NDUFS4: variants seen among roughly 807,000 people sequenced by gnomAD.
NDUFS4 encodes the protein NADH:ubiquinone oxidoreductase subunit S4, also known as NADH dehydrogenase [ubiquinone] iron-sulfur protein 4, mitochondrial.
NDUFS4 carries 28 observed loss-of-function variants against 24.3 expected under a neutral mutation model. The observed-to-expected ratio is 1.15, with a 90% CI of 0.85 to 1.58. The LOEUF (loss-of-function observed/expected upper bound fraction) is 1.58, where lower values mean the gene tolerates loss of function less well. Ranked by LOEUF, NDUFS4 falls within the 40% of genes most tolerant of loss-of-function variation. The probability of loss-of-function intolerance (pLI) is 0.00; values close to 1 mark genes in which losing one functional copy is unlikely to be tolerated. For synonymous variants in NDUFS4, 93 were observed against 69.7 expected (o/e 1.34, Z -1.67); for missense variants, 223 against 207.9 (o/e 1.07, Z -0.45).
chr5:53,601,065 C>T (rs1178757377), intron 1 of NDUFS4, among the ~76,000 whole-genome samples: 1 of 145,566 alleles, frequency 6.9e-6, no homozygotes, highest in Non-Finnish European at 1.5e-5. Flanking sequence ...AGTGCAGTGG[C>T]GCGATCTCAG....
chr5:53,656,968 C>G (rs924339584), intron 3 of NDUFS4, among the ~76,000 whole-genome samples: 1 of 152,124 alleles, frequency 6.6e-6, no homozygotes, highest in African/African-American at 2.4e-5. Context: ...ATAGTGGCTT[C>G]TTCCAGTGGA....
rs1740437564 is a variant in NDUFS4, at chr5:53,675,493, T to G, written c.425-7625T>G. Among the ~76,000 whole-genome samples the G allele has an allele frequency of 2.0e-5, 3 of 152,140 alleles. No individual in the cohort carries two copies. In the South Asian group the frequency reaches 6.2e-4, roughly 32 times the overall value. ...TCCCTAAAAAGACTTTATAATCTAA[T>G]CAGTGCCACCTGAAGGTAGAAAAGC... On this transcript the variant is annotated intron_variant, in intron 4 of 4. Transcript: ENST00000296684.
intron 2 of NDUFS4, among the ~76,000 whole-genome samples, chr5:53,626,321 G>GTT (rs1239182075): frequency 6.6e-6 from 1 of 152,022 alleles, no homozygotes; most frequent in Non-Finnish European, 1.5e-5. Context: ...AGTCTTTGCT[G>GTT]TCGTGAACAC....
intron 4 of NDUFS4, among the ~76,000 whole-genome samples, chr5:53,663,558 A>G (rs1030065311): frequency 1.3e-5 from 2 of 152,132 alleles, no homozygotes; most frequent in South Asian, 4.1e-4. Flanking sequence ...AGCTCTTCTC[A>G]GTGAATTGAT....
intron 2 of NDUFS4, chr5:53,604,716 C>T (rs1289182236): frequency 2.2e-6 from 1 of 455,612 alleles, no homozygotes; most frequent in Non-Finnish European, 4.4e-6. Context: ...TCCTGCCTTC[C>T]TCTCTAGGTT....
chr5:53,652,806 A>T (rs1013942523), intron 3 of NDUFS4, among the ~76,000 whole-genome samples: 1 of 152,128 alleles, frequency 6.6e-6, no homozygotes, highest in Admixed American at 6.6e-5. Context: ...TAAGGTGCAA[A>T]ATTATCCTTT....
At chr5:53,624,362 A>G (rs1168835540) in intron 2 of NDUFS4, among the ~76,000 whole-genome samples, 2 of 152,104 alleles carry the variant, frequency 1.3e-5, no homozygotes, top group Admixed American at 6.6e-5. Flanking sequence ...GGATTTTTCT[A>G]TTTCTACCCC....
intron 4 of NDUFS4, among the ~76,000 whole-genome samples, chr5:53,679,948 G>A (rs1272444444): frequency 6.6e-6 from 1 of 152,076 alleles, no homozygotes; most frequent in East Asian, 1.9e-4. Flanking sequence ...GAGAGCACAT[G>A]GGGAACATAT....
intron 4 of NDUFS4, among the ~76,000 whole-genome samples, chr5:53,679,798 A>G (rs1024310443): frequency 1.8e-4 from 27 of 152,068 alleles, no homozygotes; most frequent in African/African-American, 6.3e-4. Flanking sequence ...TTGGGAGGTA[A>G]TAAGAGGAGA....
chr5:53,633,656 C>A (rs182871681), intron 2 of NDUFS4, among the ~76,000 whole-genome samples: 25 of 152,262 alleles, frequency 1.6e-4, no homozygotes, highest in Admixed American at 1.6e-3. Flanking sequence ...AATTTGTATG[C>A]TTTTCTCTTG....
intron 1 of NDUFS4, among the ~76,000 whole-genome samples, chr5:53,590,915 C>A (rs974675619): frequency 5.3e-5 from 8 of 152,242 alleles, no homozygotes; most frequent in Non-Finnish European, 5.9e-5. Flanking sequence ...AAGTCTGTAC[C>A]CATTACACAG....
chr5:53,645,747 A>G (rs745613893), intron 2 of NDUFS4, among the ~76,000 whole-genome samples: 10 of 152,202 alleles, frequency 6.6e-5, no homozygotes, highest in South Asian at 2.1e-4. Flanking sequence ...TCTCAAGGTA[A>G]TGCCTTGTGG....
chr5:53,633,604 C>G (rs1176049477), intron 2 of NDUFS4, among the ~76,000 whole-genome samples: 2 of 152,154 alleles, frequency 1.3e-5, no homozygotes, highest in Admixed American at 6.5e-5. Context: ...GTCTTCATTT[C>G]CGTATGAAGG....
At chr5:53,676,497 T>C (rs968258859) in intron 4 of NDUFS4, among the ~76,000 whole-genome samples, 1 of 152,272 alleles carries the variant, frequency 6.6e-6, no homozygotes, top group Non-Finnish European at 1.5e-5. Flanking sequence ...GCACTATAAC[T>C]CATGCCTAAA....
At chr5:53,658,203 T>G (rs1752219347) in intron 3 of NDUFS4, among the ~76,000 whole-genome samples, 2 of 152,180 alleles carry the variant, frequency 1.3e-5, no homozygotes, top group African/African-American at 4.8e-5. Context: ...ACTAGCAATT[T>G]TACACATCAG....
chr5:53,596,355 C>T (rs1273873437), intron 1 of NDUFS4, among the ~76,000 whole-genome samples: 1 of 152,068 alleles, frequency 6.6e-6, no homozygotes, highest in Non-Finnish European at 1.5e-5. Flanking sequence ...ATCGCTTGAG[C>T]CAAGGAGGTC....
intron 3 of NDUFS4, among the ~76,000 whole-genome samples, chr5:53,647,724 G>A (rs951253415): frequency 2.0e-5 from 3 of 152,072 alleles, no homozygotes; most frequent in African/African-American, 2.4e-5. Context: ...CATTATGTCC[G>A]GTCTCCAGTT....
chr5:53,605,714 GT>G (rs1437714440), intron 2 of NDUFS4, among the ~76,000 whole-genome samples: 3 of 152,044 alleles, frequency 2.0e-5, no homozygotes, highest in Admixed American at 6.6e-5. Context: ...TTCTCATATT[GT>G]TATAAAGAAA....
intron 2 of NDUFS4, among the ~76,000 whole-genome samples, chr5:53,614,383 A>G (rs1457903655): frequency 6.6e-6 from 1 of 151,996 alleles, no homozygotes; most frequent in Non-Finnish European, 1.5e-5. Context: ...GACAGGAACC[A>G]TTAAAACTTA....
Sources: gnomAD v4.1 joint callset for allele counts (sites outside exome capture counted in the v4.1 genomes callset) on GRCh38, gnomAD v4.1.1 for gene constraint, MANE v1.5 for transcripts, NCBI Gene and HGNC (gene_info 2026-07-23, HGNC 2026-07-21) for gene names.